The following RPL5 variants were observed in gnomAD, a reference collection of about 807,000 sequenced individuals.
RPL5 encodes large ribosomal subunit protein uL18.
RPL5 carries 1 observed loss-of-function variant against 38.4 expected under a neutral mutation model. The ratio of observed to expected loss-of-function variants is 0.03; its 90% CI spans 0.01 to 0.12. The LOEUF is 0.12. Ranked by LOEUF, RPL5 falls within the 10% of genes least tolerant of loss-of-function variation. The pLI is 1.00. For missense variants in RPL5, 243 were observed against 374.1 expected (o/e 0.65, Z 2.89); for synonymous variants, 109 against 121.2 (o/e 0.90, Z 0.66).
chr1:92,841,742 A>T (rs1687372547), intron 7 of RPL5, 24 bp from the exon 8 acceptor site: 2 of 1,513,166 alleles, frequency 1.3e-6, no homozygotes, highest in Non-Finnish European at 1.8e-6. Context: ...TAGTTTAAAA[A>T]ATATATATTC....
Position 92,836,405 on chromosome 1 carries a change from T to C in RPL5, c.527+13T>C. ...CTATCCCTCACAGGTAAGAATACTATTTAAGACCTTGGTGCCTGGACCGTG... is the reference window on the plus strand; with the variant it reads ...CTATCCCTCACAGGTAAGAATACTACTTAAGACCTTGGTGCCTGGACCGTG... On this transcript the variant is annotated intron_variant, in intron 5 of 7. Transcript: ENST00000370321. The C allele has an allele frequency of 6.2e-7, 1 of 1,611,972 alleles. No individual in the cohort carries two copies. Among genetic ancestry groups the C allele is most frequent in the Non-Finnish European group, 8.5e-7 (1 of 1,178,026 alleles).
chr1:92,839,351 T>C (rs991485374), intron 6 of RPL5, among the ~76,000 whole-genome samples: 1 of 152,130 alleles, frequency 6.6e-6, no homozygotes, highest in East Asian at 1.9e-4. Context: ...AGAGCGAGAC[T>C]TCATGTCAAA....
chr1:92,833,095 T>C lies in RPL5; in HGVS notation c.4-294T>C, dbSNP rs943688624. On this transcript the variant is annotated intron_variant, in intron 1 of 7. Coordinates refer to ENST00000370321, the MANE Select transcript of RPL5 (RefSeq NM_000969.5). ...AAACCTTTTGAAAGCAATATAACAA[T>C]AATTTTATACCTGTTAAATGTAATA... is the stretch of plus-strand genomic sequence containing the variant. The C allele has an allele frequency of 6.7e-5, 47 of 705,856 alleles. No homozygotes were observed. In the East Asian group the frequency reaches 1.0e-3, roughly 16 times the overall value. 43.7% of individuals were successfully genotyped at this position (705,856 alleles called of 1,614,324 possible). A position where few individuals can be genotyped will look rare whatever the true frequency, so the allele number is the denominator to read the frequency against.
chr1:92,836,391 A>C lies in RPL5; in HGVS notation c.526A>C (p.Ser176Arg), dbSNP rs1262464843. The C allele has an allele frequency of 7.4e-6, 12 of 1,613,936 alleles. No homozygotes were observed. Among genetic ancestry groups the C allele is most frequent in the Non-Finnish European group, 9.3e-6 (11 of 1,179,780 alleles). Residue 176 changes from serine to arginine, a missense_variant and splice_region_variant, in exon 5 of 8, where the codon AGT becomes CGT. Physicochemically the swap from Ser to Arg is moderately radical, Grantham distance 110. Coordinates refer to ENST00000370321, the MANE Select transcript of RPL5 (RefSeq NM_000969.5). The part of the protein sequence containing the change: ...AVDGGLSIPH[S>R]TKRFPGYDSE... ...GGATGGAGGCTTGTCTATCCCTCAC[A>C]GGTAAGAATACTATTTAAGACCTTG...
chr1:92,841,729 TTA>T (rs1371992305), intron 7 of RPL5, 35 bp from the exon 8 acceptor site: 1 of 1,348,006 alleles, frequency 7.4e-7, no homozygotes, highest in African/African-American at 1.4e-5. Flanking sequence ...TTCTCTTCAG[TTA>T]TAGTTTAAAA....
At chr1:92,835,520 CATG>C (rs1159652940) in intron 4 of RPL5, among the ~76,000 whole-genome samples, 4 of 151,170 alleles carry the variant, frequency 2.6e-5, no homozygotes, top group African/African-American at 9.7e-5. Flanking sequence ...AAAAGCCAGG[CATG>C]ATGGTGTGTG....
At chr1:92,840,941 ATACT>A (rs1478240418) in intron 7 of RPL5, 4 of 484,628 alleles carry the variant, frequency 8.3e-6, no homozygotes, top group Non-Finnish European at 7.9e-6. Flanking sequence ...ATAGAAAGTA[ATACT>A]TAATGAACAT....
In RPL5 at chr1:92,837,246, G is replaced by T. The variant is rs143356594; in HGVS notation, c.528-210G>T. ...TTGGTAATGGCTTTTAAAGGTTTTT[G>T]TAGCATGAATTTCTTTTCTGTCCTG... On this transcript the variant is annotated intron_variant, in intron 5 of 7. Transcript: ENST00000370321. 297 of 745,240 alleles carry T rather than the reference G, an allele frequency of 4.0e-4. 1 individual carries two copies. In the African/African-American group the frequency reaches 4.6e-3, roughly 12 times the overall value. The allele number at this position is 745,240 out of a possible 1,614,324, so 46.2% of individuals were successfully genotyped here.
intron 7 of RPL5, among the ~76,000 whole-genome samples, chr1:92,841,387 A>G (rs1206771114): frequency 6.6e-6 from 1 of 152,244 alleles, no homozygotes; most frequent in African/African-American, 2.4e-5. Context: ...TCCATTATGT[A>G]TATGTATACC....
intron 6 of RPL5, among the ~76,000 whole-genome samples, chr1:92,839,927 G>C (rs963142545): frequency 6.6e-6 from 1 of 151,620 alleles, no homozygotes; most frequent in Non-Finnish European, 1.5e-5. Context: ...TGCAACTTCA[G>C]ACTTCTGGGC....
At chr1:92,834,123 TTAGAAG>T (rs1687023923) in intron 3 of RPL5, among the ~76,000 whole-genome samples, 1 of 152,118 alleles carries the variant, frequency 6.6e-6, no homozygotes, top group African/African-American at 2.4e-5. Flanking sequence ...GGTGGGGAGA[TTAGAAG>T]TAAGTAAGAA....
At chr1:92,835,894 GTA>G (rs1298533177) in intron 4 of RPL5, among the ~76,000 whole-genome samples, 1 of 152,172 alleles carries the variant, frequency 6.6e-6, no homozygotes, top group Non-Finnish European at 1.5e-5. Flanking sequence ...AACATTGTAA[GTA>G]TAAGAATCAA....
At chr1:92,831,996 G>A (rs367703317), upstream of RPL5, 6 of 1,499,910 alleles carry the variant, frequency 4.0e-6, no homozygotes, top group African/African-American at 1.4e-5. Context: ...CGTCACTGGC[G>A]TGACCGTCCG....
At chr1:92,840,980 C>A in intron 7 of RPL5, 1 of 412,592 alleles carries the variant, frequency 2.4e-6, no homozygotes, top group Non-Finnish European at 4.7e-6. Context: ...ATGTGATGGC[C>A]CACAAATACA....
At chr1:92,838,892 CA>C (rs1353301087) in intron 6 of RPL5, among the ~76,000 whole-genome samples, 1 of 152,168 alleles carries the variant, frequency 6.6e-6, no homozygotes, top group African/African-American at 2.4e-5. Flanking sequence ...AGCATTTTTG[CA>C]TTATTTTCCT....
Position 92,836,384 on chromosome 1 carries a change from C to G in RPL5, c.519C>G (p.Ile173Met). ...LKGAVDGGLS[I>M]PHSTKRFPGY... ...GAGCTGTGGATGGAGGCTTGTCTAT[C>G]CCTCACAGGTAAGAATACTATTTAA... The change falls in exon 5 of 8, where the codon ATC becomes ATG. Residue 173 changes from isoleucine to methionine, a missense_variant. Coordinates refer to ENST00000370321, the MANE Select transcript of RPL5 (RefSeq NM_000969.5). The G allele has an allele frequency of 6.2e-7, 1 of 1,614,032 alleles. No homozygotes were observed. The highest frequency in any genetic ancestry group is 8.5e-7 in the Non-Finnish European group (1 of 1,179,898).
chr1:92,832,211 G>A lies in RPL5; in HGVS notation c.3+94G>A, dbSNP rs929204674. 1.3e-5 allele frequency: 20 copies of A among 1,574,524 alleles called. No individual in the cohort carries two copies. The Admixed American group carries it at 3.6e-4, about 29-fold the overall frequency. On this transcript the variant is annotated intron_variant, in intron 1 of 7. Coordinates refer to ENST00000370321, the MANE Select transcript of RPL5 (RefSeq NM_000969.5). ...CTAGGGCCCGTCTCGCGCGTCGCAG[G>A]GGCCGGATGGCGTTAGATTGCTAGC... is the stretch of plus-strand genomic sequence containing the variant.
At chr1:92,832,296 G>A in intron 1 of RPL5, 179 bp downstream of exon 1, 5 of 938,406 alleles carry the variant, frequency 5.3e-6, no homozygotes, top group Middle Eastern at 2.1e-4. Context: ...CCCGGTGCGC[G>A]AACTTGGGGG....
chr1:92,833,036 T>G (rs1189482511), intron 1 of RPL5: 23 of 739,022 alleles, frequency 3.1e-5, no homozygotes, highest in Non-Finnish European at 5.5e-5. Context: ...GTGCTGGTCC[T>G]TGAAGAAACA....
Sources: gnomAD v4.1 joint callset for allele counts (sites outside exome capture counted in the v4.1 genomes callset) on GRCh38, gnomAD v4.1.1 for gene constraint, MANE v1.5 for transcripts, NCBI Gene and HGNC (gene_info 2026-07-23, HGNC 2026-07-21) for gene names.